PPP2R2C: variants seen among roughly 807,000 people sequenced by gnomAD.
PPP2R2C encodes protein phosphatase 2, regulatory subunit B, gamma.
Under a neutral mutation model 45.3 loss-of-function variants are expected in PPP2R2C, and 10 were observed. The observed-to-expected ratio is 0.22, with a 90% CI of 0.14 to 0.37. PPP2R2C has a LOEUF of 0.37. PPP2R2C is among the 10% of genes least tolerant of loss of function. The pLI is 1.00. For synonymous variants in PPP2R2C, 257 were observed against 245.4 expected (o/e 1.05, Z -0.44); for missense variants, 308 against 619.7 (o/e 0.50, Z 5.34).
At chr4:6,383,198 GCC>G in intron 1 of PPP2R2C, 1 of 1,187,604 alleles carries the variant, frequency 8.4e-7, no homozygotes, top group Non-Finnish European at 1.1e-6. Context: ...TGGCCCACTG[GCC>G]CCTGAGGGGG....
In PPP2R2C at chr4:6,456,307, T is replaced by TC. The variant is rs5855915; in HGVS notation, c.70+15852dup. On this transcript the variant is annotated intron_variant, in intron 1 of 8. Coordinates refer to ENST00000382599, the MANE Select transcript of PPP2R2C (RefSeq NM_020416.4). The stretch of plus-strand genomic sequence containing the variant: ...GAGTAGTGAAATGAAGGATGTTATT[T>TC]CCCCCCCCCCCCTTTATTCTACTGT... 3.3e-3 allele frequency among the ~76,000 whole-genome samples: 272 copies of TC among 81,510 alleles called. 1 individual carries two copies. The highest frequency in any genetic ancestry group is 0.011 in the African/African-American group (163 of 14,454). 53.5% of individuals were successfully genotyped at this position (81,510 alleles called of 152,430 possible).
At chr4:6,537,881 C>A (rs996710168) in intron 1 of PPP2R2C, among the ~76,000 whole-genome samples, 3 of 152,070 alleles carry the variant, frequency 2.0e-5, no homozygotes, top group African/African-American at 7.2e-5. Context: ...ATAAACCAGT[C>A]GCAAAAGGAC....
intron 8 of PPP2R2C, among the ~76,000 whole-genome samples, chr4:6,325,835 G>A (rs1041759941): frequency 2.6e-5 from 4 of 152,220 alleles, no homozygotes; most frequent in African/African-American, 4.8e-5. Context: ...GGACCACAAC[G>A]CCGGCTGCTT....
chr4:6,476,377 G>A (rs1185674066), upstream of PPP2R2C, among the ~76,000 whole-genome samples: 1 of 152,154 alleles, frequency 6.6e-6, no homozygotes, highest in Non-Finnish European at 1.5e-5. Context: ...GTCTTTGAGA[G>A]GTGATTAGGT....
intron 1 of PPP2R2C, among the ~76,000 whole-genome samples, chr4:6,558,126 G>C (rs1441009588): frequency 2.0e-5 from 3 of 152,206 alleles, no homozygotes; most frequent in African/African-American, 7.2e-5. Context: ...ACATGTCACA[G>C]CATCACCTGC....
At chr4:6,335,066 G>GACTCATTCAT (rs1732738564) in intron 6 of PPP2R2C, among the ~76,000 whole-genome samples, 1 of 152,210 alleles carries the variant, frequency 6.6e-6, no homozygotes, top group South Asian at 2.1e-4. Flanking sequence ...TGCCCTGATG[G>GACTCATTCAT]ACTCATTCAT....
intron 5 of PPP2R2C, among the ~76,000 whole-genome samples, chr4:6,356,048 T>G (rs1336395959): frequency 6.8e-6 from 1 of 147,694 alleles, no homozygotes; most frequent in Non-Finnish European, 1.5e-5. Context: ...ACGTCACACG[T>G]GCTGCGGGTC....
At chr4:6,478,828 CCT>C (rs1156488436) in intron 2 of PPP2R2C, among the ~76,000 whole-genome samples, 1 of 152,202 alleles carries the variant, frequency 6.6e-6, no homozygotes, top group African/African-American at 2.4e-5. Context: ...AGCTCTGACC[CCT>C]GTTATCTTCT....
intron 1 of PPP2R2C, among the ~76,000 whole-genome samples, chr4:6,544,521 G>A (rs1196542553): frequency 2.0e-5 from 3 of 152,010 alleles, no homozygotes; most frequent in Non-Finnish European, 4.4e-5. Flanking sequence ...TTTTGTTTAA[G>A]AGACGGGATC....
intron 1 of PPP2R2C, among the ~76,000 whole-genome samples, chr4:6,392,531 G>C (rs1054467560): frequency 1.3e-5 from 2 of 152,208 alleles, no homozygotes; most frequent in East Asian, 1.9e-4. Flanking sequence ...GTGAGAGAGG[G>C]AGCCTCACAG....
chr4:6,364,680 G>A lies in PPP2R2C; in HGVS notation c.625+7843C>T, dbSNP rs930745237. Among the ~76,000 whole-genome samples, 2 of 152,212 alleles carry A rather than the reference G, an allele frequency of 1.3e-5. No individual in the cohort carries two copies. The highest frequency in any genetic ancestry group is 4.8e-5 in the African/African-American group (2 of 41,454). ...CTTTTCCTCGCTTTACAGGTGAGGAGCTGAGGCACAGAGAACCCAAGTGAG... is the reference window on the plus strand; with the variant it reads ...CTTTTCCTCGCTTTACAGGTGAGGAACTGAGGCACAGAGAACCCAAGTGAG... On this transcript the variant is annotated intron_variant, in intron 5 of 8. Transcript: ENST00000382599. This position sits in a 1 kb window ranked among gnomAD's most constrained non-coding sequence, Gnocchi z 5.3.
chr4:6,383,047 G>A (rs995549742), intron 1 of PPP2R2C: 35 of 1,080,352 alleles, frequency 3.2e-5, no homozygotes, highest in Non-Finnish European at 3.7e-5. Context: ...CCCCCACCTT[G>A]ATTCTGGGCT....
intron 2 of PPP2R2C, among the ~76,000 whole-genome samples, chr4:6,530,150 G>A (rs113642173): frequency 6.6e-6 from 1 of 152,106 alleles, no homozygotes; most frequent in Non-Finnish European, 1.5e-5. Flanking sequence ...TCTGCCCTTA[G>A]CACCGCCCAT....
At chr4:6,543,714 G>A (rs778256402) in intron 1 of PPP2R2C, among the ~76,000 whole-genome samples, 18 of 152,330 alleles carry the variant, frequency 1.2e-4, no homozygotes, top group East Asian at 7.7e-4. Context: ...GCGTGAGCGC[G>A]GAGTGCCAGG....
intron 1 of PPP2R2C, chr4:6,384,259 G>T: frequency 2.0e-6 from 2 of 985,460 alleles, no homozygotes; most frequent in Non-Finnish European, 2.4e-6. Flanking sequence ...CCCCCTGAGG[G>T]TGAAGGAACG....
At chr4:6,406,592 A>C (rs1717809813) in intron 1 of PPP2R2C, among the ~76,000 whole-genome samples, 1 of 93,760 alleles carries the variant, frequency 1.1e-5, no homozygotes, top group Non-Finnish European at 2.1e-5. Flanking sequence ...CTACTAAAGA[A>C]AAAGCCAAAA....
chr4:6,452,716 C>T (rs1227698454), intron 1 of PPP2R2C, among the ~76,000 whole-genome samples: 1 of 152,244 alleles, frequency 6.6e-6, no homozygotes, highest in Non-Finnish European at 1.5e-5. Flanking sequence ...ACCTGCTGAG[C>T]TGGTGCTATC....
chr4:6,441,021 G>A (rs961251050), intron 1 of PPP2R2C, among the ~76,000 whole-genome samples: 2 of 152,072 alleles, frequency 1.3e-5, no homozygotes, highest in African/African-American at 4.8e-5. Flanking sequence ...TGATCAGGAG[G>A]GAGGGAGCTG....
At chr4:6,353,272 C>T (rs530676768) in intron 5 of PPP2R2C, among the ~76,000 whole-genome samples, 30 of 139,478 alleles carry the variant, frequency 2.2e-4, no homozygotes, top group South Asian at 7.6e-4. Context: ...CCCCCAACAC[C>T]GACAGTCCCC....
Sources: gnomAD v4.1 joint callset for allele counts (sites outside exome capture counted in the v4.1 genomes callset) on GRCh38, gnomAD v4.1.1 for gene constraint, Gnocchi (gnomAD v3.1) non-coding constraint, MANE v1.5 for transcripts, NCBI Gene and HGNC (gene_info 2026-07-23, HGNC 2026-07-21) for gene names.